The following TENM1 variants were observed in gnomAD, a reference collection of about 807,000 sequenced individuals.
TENM1 encodes teneurin-1.
Under a neutral mutation model 174.8 loss-of-function variants are expected in TENM1, and 35 were observed. The ratio of observed to expected loss-of-function variants is 0.20; its 90% CI spans 0.15 to 0.27. The LOEUF (loss-of-function observed/expected upper bound fraction) is 0.27, where lower values mean the gene tolerates loss of function less well. Ranked by LOEUF, TENM1 falls within the 10% of genes least tolerant of loss-of-function variation. The pLI, the probability that TENM1 is intolerant of heterozygous loss-of-function variation, is 1.00. For missense variants in TENM1, 1,633 were observed against 2,130.1 expected, an observed-to-expected ratio of 0.77 and a Z score of 4.59; for synonymous variants, 781 against 798.7, an observed-to-expected ratio of 0.98 and a Z score of 0.37.
the TENM1 span, among the ~76,000 whole-genome samples, chrX:125,105,402 G>A: frequency 1.8e-5 from 2 of 111,465 alleles, no homozygotes; most frequent in Admixed American, 9.5e-5. Flanking sequence ...ATCTCGTGAA[G>A]AGTATGTTGA....
intron 12 of TENM1, 59 bp from the exon 16 acceptor site, chrX:124,563,831 T>C: frequency 9.6e-7 from 1 of 1,041,425 alleles, no homozygotes; most frequent in Non-Finnish European, 1.3e-6. Flanking sequence ...AGCTATACAA[T>C]ATGTACTAAT....
At chrX:124,583,235 G>A (rs5911887) in intron 11 of TENM1, among the ~76,000 whole-genome samples, 31,645 of 110,196 alleles carry the variant, frequency 0.29, 3,829 homozygotes, top group African/African-American at 0.44. Flanking sequence ...TGCCTCCTCA[G>A]GTGGGTCCCT....
intron 1 of TENM1, among the ~76,000 whole-genome samples, chrX:124,901,744 C>T (rs1039362090): frequency 9.0e-6 from 1 of 111,433 alleles, no homozygotes; most frequent in African/African-American, 3.3e-5. Context: ...CCATACCCGG[C>T]CAATTTCTGT....
the TENM1 span, among the ~76,000 whole-genome samples, chrX:125,003,262 G>C: frequency 9.0e-6 from 1 of 111,629 alleles, no homozygotes. Context: ...CTTTTGGCAA[G>C]TGTTATCTTA....
At chrX:124,676,224 G>C (rs1248696281) in intron 5 of TENM1, among the ~76,000 whole-genome samples, 1 of 78,723 alleles carries the variant, frequency 1.3e-5, no homozygotes, top group South Asian at 7.5e-4. Context: ...CTGTAAGCAA[G>C]GTCAAAGTTA....
At chrX:124,963,810 A>C in exon 1 of TENM1, 2 of 996,074 alleles carry the variant, frequency 2.0e-6, no homozygotes, top group Non-Finnish European at 2.8e-6. Context: ...CCTTTAATGC[A>C]AGCAGTCCTG....
At chrX:124,550,023 G>A (rs909573263) in intron 14 of TENM1, among the ~76,000 whole-genome samples, 34 of 110,261 alleles carry the variant, frequency 3.1e-4, no homozygotes, top group Non-Finnish European at 4.5e-4. Context: ...TTACTTTTAG[G>A]GCCTGTTCTC....
chrX:124,825,209 C>G (rs1244329991), intron 3 of TENM1, among the ~76,000 whole-genome samples: 1 of 89,139 alleles, frequency 1.1e-5, no homozygotes, highest in East Asian at 3.4e-4. Context: ...GTCACCCAGG[C>G]TAGAGTGCAG....
intron 11 of TENM1, among the ~76,000 whole-genome samples, chrX:124,604,955 C>A (rs974330995): frequency 9.3e-6 from 1 of 107,606 alleles, no homozygotes; most frequent in Non-Finnish European, 1.9e-5. Context: ...TCTCTCCTCT[C>A]CCTTACATGC....
At chrX:124,830,436 T>C (rs2056265289) in intron 3 of TENM1, among the ~76,000 whole-genome samples, 1 of 111,726 alleles carries the variant, frequency 9.0e-6, no homozygotes, top group Non-Finnish European at 1.9e-5. Context: ...CATTGAGAGA[T>C]GGGTGGCTTT....
At chrX:124,590,846 C>T (rs751427658) in intron 11 of TENM1, among the ~76,000 whole-genome samples, 1 of 111,923 alleles carries the variant, frequency 8.9e-6, no homozygotes, top group African/African-American at 3.2e-5. Flanking sequence ...AAGAACCATA[C>T]TATTATTGTG....
intron 15 of TENM1, among the ~76,000 whole-genome samples, chrX:124,538,957 T>G (rs1174761565): frequency 8.9e-6 from 1 of 111,748 alleles, no homozygotes; most frequent in African/African-American, 3.2e-5. Flanking sequence ...CTGTCATGCA[T>G]GAGTTAAGTG....
In TENM1 at chrX:124,701,751, T is replaced by C. The variant is rs3788781; in HGVS notation, c.1015+3262A>G. On this transcript the variant is annotated intron_variant, in intron 5 of 31. Transcript: ENST00000422452. Reference sequence around the variant, plus strand: ...ACTCAAAACTTATTCAAAGGAATGATTTTTTTCCCTGATCCAAAAGGTATA... The same window carrying C: ...ACTCAAAACTTATTCAAAGGAATGACTTTTTTCCCTGATCCAAAAGGTATA... 1.1e-3 allele frequency among the ~76,000 whole-genome samples: 120 copies of C among 112,017 alleles called. 2 individuals carry two copies. In the East Asian group the frequency reaches 0.024, roughly 22 times the overall value.
chrX:124,921,153 T>C (rs376930973), intron 1 of TENM1, among the ~76,000 whole-genome samples: 1 of 110,315 alleles, frequency 9.1e-6, no homozygotes, highest in African/African-American at 3.3e-5. Context: ...CTTATTTCTC[T>C]TTATCATTCT....
At chrX:125,108,463 A>G in the TENM1 span, among the ~76,000 whole-genome samples, 1 of 111,645 alleles carries the variant, frequency 9.0e-6, no homozygotes, top group African/African-American at 3.3e-5. Context: ...GCTCATGCCT[A>G]TAATGCCAGC....
the TENM1 span, among the ~76,000 whole-genome samples, chrX:125,173,646 C>T: frequency 9.9e-5 from 11 of 111,053 alleles, no homozygotes; most frequent in South Asian, 4.2e-3. Context: ...CCTCTTGTAG[C>T]TCATGAAAGA....
intron 4 of TENM1, among the ~76,000 whole-genome samples, chrX:124,732,502 T>C (rs922104609): frequency 5.4e-5 from 6 of 111,488 alleles, no homozygotes; most frequent in Non-Finnish European, 5.7e-5. Context: ...TCACATGACT[T>C]TTCTCTCCCC....
chrX:124,877,409 T>C (rs1187042916), intron 3 of TENM1, among the ~76,000 whole-genome samples: 2 of 112,321 alleles, frequency 1.8e-5, no homozygotes, highest in Non-Finnish European at 3.8e-5. Flanking sequence ...CTAACAGTGC[T>C]TATTTTTCCA....
At chrX:124,866,700 A>G (rs2057014688) in intron 3 of TENM1, among the ~76,000 whole-genome samples, 1 of 111,874 alleles carries the variant, frequency 8.9e-6, no homozygotes, top group African/African-American at 3.2e-5. Flanking sequence ...ACTGAAATGA[A>G]AAACAATACA....
Sources: allele counts gnomAD v4.1 joint callset (sites outside exome capture counted in the v4.1 genomes callset), GRCh38; gene constraint gnomAD v4.1.1; transcripts MANE v1.5; gene names NCBI Gene and HGNC (gene_info 2026-07-23, HGNC 2026-07-21).